Variants in NBPF11 observed in about 807,000 individuals in gnomAD.
NBPF11 encodes the protein NBPF family member NBPF11.
A neutral mutation model predicts 93.9 loss-of-function variants in NBPF11; 72 were observed. The ratio of observed to expected loss-of-function variants is 0.77; its 90% CI spans 0.63 to 0.93. NBPF11 has a LOEUF of 0.93. Ranked by LOEUF, NBPF11 falls within the 40% of genes least tolerant of loss-of-function variation. NBPF11 has a pLI of 0.00. For missense variants in NBPF11, 705 were observed against 802.2 expected (o/e 0.88, Z 1.46); for synonymous variants, 224 against 304.9 (o/e 0.73, Z 2.76).
At chr1:148,108,793 C>T (rs1553267935) in intron 17 of NBPF11, 139 bp from the exon 18 acceptor site, 1 of 664,528 alleles carries the variant, frequency 1.5e-6, no homozygotes, top group African/African-American at 1.9e-5. Flanking sequence ...AAATTATTGC[C>T]TTTATGTTGG....
At chr1:148,123,745 G>T in intron 7 of NBPF11, 108 bp downstream of exon 7, 5 of 1,609,318 alleles carry the variant, frequency 3.1e-6, no homozygotes, top group Middle Eastern at 2.2e-4. Context: ...CCACATATGT[G>T]TAGTAGAAAA....
rs1571507421 is a variant in NBPF11 at position 148,152,125 on chromosome 1, G to C, written c.-924C>G. ...GGAGGACAGAGCGCAGCGGGGACGG[G>C]AAAATCCCTCTCTCCCCTCCGCCTC... is the stretch of plus-strand genomic sequence containing the variant. On this transcript the variant is annotated 5_prime_UTR_variant, in exon 1 of 24. Coordinates refer to ENST00000682118, the MANE Select transcript of NBPF11 (RefSeq NM_001385469.3). The C allele has an allele frequency of 6.6e-6, 1 of 152,168 alleles. No homozygotes were observed. The highest frequency in any genetic ancestry group is 1.5e-5 in the Non-Finnish European group (1 of 68,112). The allele number at this position is 152,168 out of a possible 1,614,324, so 9.4% of individuals were successfully genotyped here. A position where few individuals can be genotyped will look rare whatever the true frequency, so the allele number is the denominator to read the frequency against.
chr1:148,120,099 C>T (rs1667482044), intron 10 of NBPF11, among the ~76,000 whole-genome samples: 1 of 151,484 alleles, frequency 6.6e-6, no homozygotes, highest in Non-Finnish European at 1.5e-5. Flanking sequence ...GTGTATTGGG[C>T]CTCAACAGAA....
At chr1:148,115,289 A>T (rs1233640590) in intron 14 of NBPF11, among the ~76,000 whole-genome samples, 2 of 150,716 alleles carry the variant, frequency 1.3e-5, no homozygotes, top group Non-Finnish European at 2.9e-5. Context: ...ATGGAAATAT[A>T]TCAGCAAAGT....
rs1449330540 is a variant in NBPF11 at position 148,141,191 on chromosome 1, T to G, written c.-277+2224A>C. On this transcript the variant is annotated intron_variant, in intron 2 of 23. Coordinates refer to ENST00000682118, the MANE Select transcript of NBPF11 (RefSeq NM_001385469.3). ...GTGAAGCACAGGGAATTTTCAGCAG[T>G]GAAACTATTTTGCATGATGCTGTAT... Among the ~76,000 whole-genome samples, 1,348 of 151,966 alleles carry G rather than the reference T, an allele frequency of 8.9e-3. 41 individuals are homozygous for G. Among genetic ancestry groups the G allele is most frequent in the African/African-American group, 0.031 (1,294 of 41,306 alleles).
At chr1:148,150,456 G>A (rs1194456655) in intron 1 of NBPF11, among the ~76,000 whole-genome samples, 2 of 150,310 alleles carry the variant, frequency 1.3e-5, no homozygotes, top group East Asian at 1.9e-4. Context: ...GTAACTTTTC[G>A]AAGATTTCTT....
intron 23 of NBPF11, 138 bp from the exon 24 acceptor site, chr1:148,104,050 C>A: frequency 6.4e-7 from 1 of 1,567,858 alleles, no homozygotes; most frequent in Non-Finnish European, 8.7e-7. Flanking sequence ...CAAATTATTG[C>A]CTTTATGTTG....
At chr1:148,141,263 A>C (rs1483784792) in intron 2 of NBPF11, among the ~76,000 whole-genome samples, 1 of 152,036 alleles carries the variant, frequency 6.6e-6, no homozygotes, top group African/African-American at 2.4e-5. Context: ...TAATCTGTGA[A>C]ACTCAAAGAA....
At chr1:148,146,357 G>A in intron 1 of NBPF11, 2 of 1,486,258 alleles carry the variant, frequency 1.3e-6, no homozygotes, top group South Asian at 1.3e-5. Flanking sequence ...GTTGTTGGCG[G>A]GGGCCCCGGT....
chr1:148,110,428 G>T lies in NBPF11; in HGVS notation c.1751C>A (p.Thr584Lys). 2.5e-6 allele frequency: 4 copies of T among 1,593,392 alleles called. No homozygotes were observed. Among genetic ancestry groups the T allele is most frequent in the Non-Finnish European group, 3.4e-6 (4 of 1,165,140 alleles). The change falls in exon 16 of 24, where the codon ACA (threonine) becomes AAA (lysine). Residue 584 changes from threonine (T) to lysine (K), a missense_variant. Thr to Lys is a moderately conservative substitution (Grantham distance 78, BLOSUM62 -1). This residue lies in a region of NBPF11 where 19 missense variants were observed against 16.3 expected (regional missense o/e 1.17). Coordinates refer to ENST00000682118, the MANE Select transcript of NBPF11 (RefSeq NM_001385469.3). ...RLASYQSYSS[T>K]FHSLEEQQVC... ...TTGCTGTTCCTCTAATGAGTGAAAT[G>T]TGCTGCTGTAAGACTGGTACGAGGC...
At chr1:148,144,779 T>A (rs1672736064) in intron 1 of NBPF11, among the ~76,000 whole-genome samples, 1 of 151,876 alleles carries the variant, frequency 6.6e-6, no homozygotes, top group African/African-American at 2.4e-5. Flanking sequence ...TTGAAACTAG[T>A]CTGGGCACCA....
intron 1 of NBPF11, chr1:148,146,993 G>C: frequency 7.0e-7 from 1 of 1,432,380 alleles, no homozygotes; most frequent in Non-Finnish European, 9.4e-7. Flanking sequence ...CCGGGGGGCG[G>C]GCTTCCCTGG....
intron 1 of NBPF11, among the ~76,000 whole-genome samples, chr1:148,145,228 A>G (rs1672813076): frequency 1.0e-5 from 1 of 97,546 alleles, no homozygotes; most frequent in Non-Finnish European, 1.9e-5. Flanking sequence ...TTTTTTTGGT[A>G]CAAGACAGAG....
At chr1:148,128,917 C>T (rs1669694933) in intron 4 of NBPF11, among the ~76,000 whole-genome samples, 1 of 145,744 alleles carries the variant, frequency 6.9e-6, no homozygotes, top group African/African-American at 2.6e-5. Context: ...GCGGTGCGAG[C>T]ATGTTCTCAC....
chr1:148,149,387 G>C (rs1468443943), intron 1 of NBPF11: 18 of 1,590,706 alleles, frequency 1.1e-5, no homozygotes, highest in South Asian at 5.5e-5. Flanking sequence ...CATCATCCAC[G>C]GCAGGGAGGA....
At chr1:148,150,142 C>T (rs1247384781) in intron 1 of NBPF11, among the ~76,000 whole-genome samples, 13 of 149,348 alleles carry the variant, frequency 8.7e-5, no homozygotes, top group Non-Finnish European at 1.8e-4. Context: ...AGTAAAAACA[C>T]ATGACCTGTA....
intron 15 of NBPF11, among the ~76,000 whole-genome samples, chr1:148,111,588 C>G (rs1264667655): frequency 2.0e-5 from 3 of 150,894 alleles, no homozygotes; most frequent in African/African-American, 7.4e-5. Flanking sequence ...AACCATGGCA[C>G]GAAAACTACG....
chr1:148,126,146 G>A (rs1571459594), intron 5 of NBPF11, among the ~76,000 whole-genome samples: 1 of 151,660 alleles, frequency 6.6e-6, no homozygotes, highest in East Asian at 1.9e-4. Flanking sequence ...GATTACAGTT[G>A]CCCGCCACGA....
In NBPF11 at chr1:148,111,695, A is replaced by G. The variant is rs71221198; in HGVS notation, c.1638-1154T>C. Among the ~76,000 whole-genome samples the G allele has an allele frequency of 5.3e-5, 8 of 151,724 alleles. 1 individual carries two copies. The East Asian group carries it at 9.7e-4, about 18-fold the overall frequency. On this transcript the variant is annotated intron_variant, in intron 15 of 23. Transcript: ENST00000682118. ...TTAGTGAAATGAAGCGAGAAGAGAA[A>G]TTTAGAGAAAAAAGAGTAAAAAGAA...
Sources: allele counts gnomAD v4.1 joint callset (sites outside exome capture counted in the v4.1 genomes callset), GRCh38; gene constraint gnomAD v4.1.1; regional missense constraint gnomAD v4.1.1; transcripts MANE v1.5; gene names NCBI Gene and HGNC (gene_info 2026-07-23, HGNC 2026-07-21).